The following MTHFSD variants were observed in gnomAD, a reference collection of about 807,000 sequenced individuals.
MTHFSD encodes methenyltetrahydrofolate synthase domain-containing protein.
Under a neutral mutation model 31.1 loss-of-function variants are expected in MTHFSD, and 37 were observed. The ratio of observed to expected loss-of-function variants is 1.19; its 90% CI spans 0.91 to 1.56. The LOEUF (loss-of-function observed/expected upper bound fraction) is 1.56, where lower values mean the gene tolerates loss of function less well. Among genes scored for constraint, MTHFSD ranks in the 40% most tolerant of loss-of-function variants. MTHFSD has a pLI of 0.00. For synonymous variants in MTHFSD, 221 were observed against 206.9 expected (o/e 1.07, Z -0.59); for missense variants, 664 against 510.1 (o/e 1.30, Z -2.91).
intron 6 of MTHFSD, 48 bp from the exon 7 acceptor site, chr16:86,541,870 A>AGTC: frequency 6.2e-7 from 1 of 1,608,752 alleles, no homozygotes; most frequent in South Asian, 1.1e-5. Flanking sequence ...ATGCCACTGC[A>AGTC]GTCGTGCACA....
intron 7 of MTHFSD, among the ~76,000 whole-genome samples, chr16:86,538,919 G>T (rs1008493053): frequency 6.6e-6 from 1 of 152,144 alleles, no homozygotes; most frequent in Non-Finnish European, 1.5e-5. Context: ...CTGTGGGTGA[G>T]GCGATCGCCC....
At chr16:86,548,749 G>C (rs1972705419) in intron 3 of MTHFSD, among the ~76,000 whole-genome samples, 172 bp from the exon 4 acceptor site, 1 of 152,094 alleles carries the variant, frequency 6.6e-6, no homozygotes, top group Non-Finnish European at 1.5e-5. Context: ...ATAATGTGTG[G>C]GGTCGATTTT....
intron 7 of MTHFSD, among the ~76,000 whole-genome samples, chr16:86,537,436 T>A (rs1970862764): frequency 6.6e-6 from 1 of 152,112 alleles, no homozygotes; most frequent in African/African-American, 2.4e-5. Context: ...AGGCACTGCA[T>A]GTCTTCTATA....
At chr16:86,552,271 G>A (rs1230214723) in intron 2 of MTHFSD, 125 bp from the exon 3 acceptor site, 1 of 1,595,350 alleles carries the variant, frequency 6.3e-7, no homozygotes, top group South Asian at 1.1e-5. Flanking sequence ...CGTGGGAGTT[G>A]CTCGGCAGCA....
intron 3 of MTHFSD, among the ~76,000 whole-genome samples, chr16:86,549,173 C>T (rs1972768576): frequency 6.6e-6 from 1 of 152,190 alleles, no homozygotes; most frequent in Admixed American, 6.5e-5. Flanking sequence ...AAGTGAGGGC[C>T]CTGGGCCAGC....
At chr16:86,554,307 G>C (rs752381030) in intron 2 of MTHFSD, among the ~76,000 whole-genome samples, 1 of 152,118 alleles carries the variant, frequency 6.6e-6, no homozygotes, top group East Asian at 1.9e-4. Flanking sequence ...ACATCAGAAG[G>C]AACAAACTCC....
chr16:86,541,451 T>C (rs1284144692), intron 7 of MTHFSD: 12 of 625,532 alleles, frequency 1.9e-5, no homozygotes, highest in Non-Finnish European at 3.2e-5. Flanking sequence ...ATGTGGCCAT[T>C]TCTGCCATCT....
At chr16:86,553,932 T>C (rs1447643525) in intron 2 of MTHFSD, among the ~76,000 whole-genome samples, 1 of 152,202 alleles carries the variant, frequency 6.6e-6, no homozygotes, top group Non-Finnish European at 1.5e-5. Flanking sequence ...GCACTCTGTA[T>C]GTAGCTAATC....
rs546332097 is a variant in MTHFSD at position 86,552,188 on chromosome 16, G to A, written c.124-42C>T. ...ACAGAGTTGCACTTACTTCAAGGAC[G>A]AAGAAGCGAGCACTTTTCTGGGGGG... On this transcript the variant is annotated intron_variant, in intron 2 of 7. Transcript: ENST00000360900. 2.2e-5 allele frequency: 35 copies of A among 1,614,040 alleles called. No homozygotes were observed. The African/African-American group carries it at 2.3e-4, about 10-fold the overall frequency.
At chr16:86,552,346 C>G (rs1973288673) in intron 2 of MTHFSD, 200 bp from the exon 3 acceptor site, 1 of 1,462,164 alleles carries the variant, frequency 6.8e-7, no homozygotes, top group South Asian at 1.3e-5. Flanking sequence ...CTCAGGCCAA[C>G]TGCAGCCCAA....
intron 3 of MTHFSD, among the ~76,000 whole-genome samples, chr16:86,551,207 G>A (rs1173357007): frequency 6.6e-6 from 1 of 152,122 alleles, no homozygotes; most frequent in African/African-American, 2.4e-5. Context: ...CAAGTTTTAT[G>A]TTTATCATAT....
At chr16:86,554,952 C>G (rs1052264040) in intron 1 of MTHFSD, 1 of 1,264,242 alleles carries the variant, frequency 7.9e-7, no homozygotes, top group Non-Finnish European at 1.1e-6. Flanking sequence ...CTCGTCTTCT[C>G]GTTATCTTTA....
At chr16:86,544,458 A>G (rs1253513700) in intron 5 of MTHFSD, among the ~76,000 whole-genome samples, 2 of 152,258 alleles carry the variant, frequency 1.3e-5, no homozygotes, top group Non-Finnish European at 2.9e-5. Context: ...ACATTTATAC[A>G]GCCAACAAAC....
At chr16:86,544,200 T>C (rs763489167) in intron 5 of MTHFSD, among the ~76,000 whole-genome samples, 5 of 152,228 alleles carry the variant, frequency 3.3e-5, no homozygotes, top group Non-Finnish European at 5.9e-5. Flanking sequence ...TTGTCTTCCA[T>C]GAAACCGGTC....
At chr16:86,535,506 T>G (rs1175903843) in intron 7 of MTHFSD, 29 of 985,302 alleles carry the variant, frequency 2.9e-5, no homozygotes, top group Non-Finnish European at 3.4e-5. Context: ...AGTTGTTACA[T>G]TCTGTCAATC....
chr16:86,548,690 T>C (rs1206266058), intron 3 of MTHFSD, 113 bp from the exon 4 acceptor site: 1 of 772,066 alleles, frequency 1.3e-6, no homozygotes, highest in African/African-American at 1.8e-5. Context: ...ATCCGCATGG[T>C]TTTTTTTGGT....
At chr16:86,550,281 C>A (rs1972953075) in intron 3 of MTHFSD, among the ~76,000 whole-genome samples, 1 of 152,226 alleles carries the variant, frequency 6.6e-6, no homozygotes, top group South Asian at 2.1e-4. Flanking sequence ...ACATCCTATG[C>A]CCAGCACGCA....
intron 5 of MTHFSD, among the ~76,000 whole-genome samples, chr16:86,546,051 G>T (rs74632845): frequency 0.031 from 4,690 of 152,326 alleles, 109 homozygotes; most frequent in Middle Eastern, 0.082. Flanking sequence ...CTCACATGCA[G>T]CGTGGCAAAG....
intron 7 of MTHFSD, chr16:86,541,482 T>C: frequency 2.8e-6 from 2 of 707,292 alleles, no homozygotes; most frequent in Non-Finnish European, 4.5e-6. Context: ...ATTTTAAACC[T>C]AGCTGCTTTT....
Sources: allele counts gnomAD v4.1 joint callset (sites outside exome capture counted in the v4.1 genomes callset), GRCh38; gene constraint gnomAD v4.1.1; transcripts MANE v1.5; gene names NCBI Gene and HGNC (gene_info 2026-07-23, HGNC 2026-07-21).